Variants in DHX57 observed in about 807,000 individuals in gnomAD.
DHX57 encodes the protein DExH-box helicase 57, also known as putative ATP-dependent RNA helicase DHX57.
DHX57 carries 105 observed loss-of-function variants against 156.2 expected under a neutral mutation model. That is an observed-to-expected ratio of 0.67 (90% CI 0.57 to 0.79). The LOEUF is 0.79. Among genes scored for constraint, DHX57 ranks in the 30% least tolerant of loss-of-function variants. The pLI is 0.00. For synonymous variants in DHX57, 704 were observed against 595.6 expected (o/e 1.18, Z -2.65); for missense variants, 1,847 against 1,661.9 (o/e 1.11, Z -1.94).
intron 22 of DHX57, among the ~76,000 whole-genome samples, chr2:38,803,695 G>T (rs1405727394): frequency 6.6e-6 from 1 of 150,998 alleles, no homozygotes; most frequent in Admixed American, 6.6e-5. Context: ...CATCATGCTG[G>T]CCAGGCTGTT....
chr2:38,838,035 G>A, intron 12 of DHX57, 88 bp from the exon 13 acceptor site: 2 of 810,396 alleles, frequency 2.5e-6, no homozygotes, highest in Non-Finnish European at 4.2e-6. Flanking sequence ...CAATATGCCT[G>A]TGAATTAGGT....
chr2:38,816,093 A>G (rs1428028825), intron 19 of DHX57: 4 of 470,106 alleles, frequency 8.5e-6, no homozygotes, highest in Non-Finnish European at 8.8e-6. Context: ...TCAGTTCCTT[A>G]CTCAGGCCTA....
At chr2:38,829,047 T>C (rs1183703143) in intron 13 of DHX57, among the ~76,000 whole-genome samples, 1 of 151,978 alleles carries the variant, frequency 6.6e-6, no homozygotes, top group Non-Finnish European at 1.5e-5. Context: ...GCTCAGGTGA[T>C]TTTCCTACCT....
chr2:38,809,514 T>C lies in DHX57; in HGVS notation c.3682-2821A>G, dbSNP rs1352812883. ...TCTTGCTCTGTCACCCAGGCTGGAG[T>C]GTGGTGGCGCAATTTCAGCTCACTG... On this transcript the variant is annotated intron_variant, in intron 21 of 23. Transcript: ENST00000457308. Among the ~76,000 whole-genome samples, 2 of 149,062 alleles carry C rather than the reference T, an allele frequency of 1.3e-5. 1 individual carries two copies. The highest frequency in any genetic ancestry group is 5.0e-5 in the African/African-American group (2 of 40,390).
At chr2:38,844,840 G>A (rs1032790417) in intron 11 of DHX57, among the ~76,000 whole-genome samples, 20 of 152,120 alleles carry the variant, frequency 1.3e-4, no homozygotes, top group Non-Finnish European at 2.6e-4. Context: ...GAGTGCTAAG[G>A]TTTTATAGGT....
intron 11 of DHX57, among the ~76,000 whole-genome samples, chr2:38,843,886 C>T (rs1393620382): frequency 2.0e-5 from 3 of 151,978 alleles, no homozygotes; most frequent in Non-Finnish European, 2.9e-5. Context: ...TTCCCTGGAG[C>T]CTTAAATGTT....
intron 12 of DHX57, 101 bp downstream of exon 12, chr2:38,842,904 C>A (rs527824871): frequency 4.7e-6 from 6 of 1,279,100 alleles, no homozygotes; most frequent in African/African-American, 4.4e-5. Context: ...GGCAATGTAA[C>A]TATGAAACAA....
intron 5 of DHX57, among the ~76,000 whole-genome samples, chr2:38,860,699 A>G (rs1673147576): frequency 6.6e-6 from 1 of 152,198 alleles, no homozygotes. Context: ...ATTAAATAAA[A>G]CAGATTTTCT....
chr2:38,808,860 G>A (rs1200591331), intron 21 of DHX57, among the ~76,000 whole-genome samples: 5 of 152,036 alleles, frequency 3.3e-5, no homozygotes, highest in African/African-American at 1.2e-4. Flanking sequence ...CTGGCCTTAC[G>A]CAGTCCTCCC....
intron 21 of DHX57, among the ~76,000 whole-genome samples, chr2:38,807,469 T>C (rs1670010974): frequency 6.6e-6 from 1 of 152,038 alleles, no homozygotes. Context: ...GCCATTCTCC[T>C]GCCTCAGCCT....
intron 21 of DHX57, among the ~76,000 whole-genome samples, chr2:38,807,065 T>A (rs1370438911): frequency 6.9e-6 from 1 of 143,888 alleles, no homozygotes; most frequent in African/African-American, 2.5e-5. Flanking sequence ...TTTTGTTTTG[T>A]TTTTTTTGAG....
At chr2:38,807,064 G>T (rs3112211) in intron 21 of DHX57, among the ~76,000 whole-genome samples, 140,032 of 149,766 alleles carry the variant, frequency 0.94, 65,938 homozygotes, top group Non-Finnish European at 0.99. Context: ...GTTTTGTTTT[G>T]TTTTTTTTGA....
chr2:38,875,529 C>G (rs1010858), intron 1 of DHX57, among the ~76,000 whole-genome samples: 2 of 151,830 alleles, frequency 1.3e-5, no homozygotes, highest in Admixed American at 6.6e-5. Flanking sequence ...CACGCCCCGC[C>G]CCCCCCGGCC....
At chr2:38,869,656 C>T (rs1665263432) in intron 1 of DHX57, among the ~76,000 whole-genome samples, 2 of 152,212 alleles carry the variant, frequency 1.3e-5, no homozygotes, top group South Asian at 2.1e-4. Context: ...ATAGACTTCA[C>T]TAAAATATTC....
At position 38,802,911 on chromosome 2, in the gene DHX57, C is replaced by G. The variant is rs752287853; in HGVS notation, c.3821G>C (p.Arg1274Thr). 1 of 1,614,036 alleles carries G rather than the reference C, an allele frequency of 6.2e-7. No individual in the cohort carries two copies. Among genetic ancestry groups the G allele is most frequent in the Non-Finnish European group, 8.5e-7 (1 of 1,180,006 alleles). The stretch of plus-strand genomic sequence containing the variant: ...CAACAGGTAGGGGCTGTCAAAGTGT[C>G]TCACCTGTAACAAAAAACCTCAGAT... ...IHPSSVNYQV[R>T]HFDSPYLLYH... The change falls in exon 23 of 24, where the codon AGA (arginine) becomes ACA (threonine). Residue 1274 changes from arginine to threonine, a missense_variant. Coordinates refer to ENST00000457308, the MANE Select transcript of DHX57 (RefSeq NM_198963.3).
At chr2:38,828,059 T>C (rs1671192555) in intron 14 of DHX57, among the ~76,000 whole-genome samples, 1 of 152,168 alleles carries the variant, frequency 6.6e-6, no homozygotes, top group African/African-American at 2.4e-5. Flanking sequence ...TTTCTCCACG[T>C]TGGTCAGGCT....
At position 38,861,296 on chromosome 2, in the gene DHX57, C is replaced by T. The variant is rs551720980; in HGVS notation, c.1114G>A (p.Val372Met). 34 of 1,614,112 alleles carry T rather than the reference C, an allele frequency of 2.1e-5. No individual in the cohort carries two copies. Among genetic ancestry groups the T allele is most frequent in the South Asian group, 9.9e-5 (9 of 91,086 alleles). Reference sequence around the variant, plus strand: ...TTCTCATTGGTGGAATAAAATGCCACGAGCGGAGCTTGGTAGGGATATTTG... The same window carrying T: ...TTCTCATTGGTGGAATAAAATGCCATGAGCGGAGCTTGGTAGGGATATTTG... ...DHKYPYQAPLVAFYSTNENLP... is the reference protein window; with the variant it reads ...DHKYPYQAPLMAFYSTNENLP... The change falls in exon 5 of 24, where the codon GTG becomes ATG. Residue 372 changes from valine to methionine, a missense_variant. Transcript: ENST00000457308.
chr2:38,852,088 C>A (rs1672624421), intron 9 of DHX57, among the ~76,000 whole-genome samples: 1 of 151,366 alleles, frequency 6.6e-6, no homozygotes, highest in Middle Eastern at 3.4e-3. Flanking sequence ...ATCTAAAAGT[C>A]TTTCTTTAGT....
In DHX57 at chr2:38,875,859, T is replaced by A. The variant is rs1665591130; in HGVS notation, c.-79A>T. ...CAAGGGTCAGAGGTCCAAACTGGAC[T>A]TGGCCACCCTCACGATTCTCACTTG... On this transcript the variant is annotated 5_prime_UTR_variant, in exon 1 of 24. In the 5' UTR this introduces an upstream ATG that the reference lacks. Coordinates refer to ENST00000457308, the MANE Select transcript of DHX57 (RefSeq NM_198963.3). 5.1e-6 allele frequency: 2 copies of A among 395,034 alleles called. No individual in the cohort carries two copies. 24.5% of individuals were successfully genotyped at this position (395,034 alleles called of 1,614,324 possible). A position where few individuals can be genotyped will look rare whatever the true frequency, so the allele number is the denominator to read the frequency against.
Sources: allele counts gnomAD v4.1 joint callset (sites outside exome capture counted in the v4.1 genomes callset), GRCh38; gene constraint gnomAD v4.1.1; transcripts MANE v1.5; gene names NCBI Gene and HGNC (gene_info 2026-07-23, HGNC 2026-07-21).